The following NR4A2 variants were observed in gnomAD, a reference collection of about 807,000 sequenced individuals.
The protein encoded by NR4A2 is NGFI-B/nur77 beta-type transcription factor homolog.
A neutral mutation model predicts 50.5 loss-of-function variants in NR4A2; 1 was observed. The observed-to-expected ratio is 0.02, with a 90% CI of 0.01 to 0.09. The LOEUF is 0.09. Ranked by LOEUF, NR4A2 falls within the 10% of genes least tolerant of loss-of-function variation. The pLI, the probability that NR4A2 is intolerant of heterozygous loss-of-function variation, is 1.00. For missense variants in NR4A2, 613 were observed against 777.3 expected (o/e 0.79, Z 2.51); for synonymous variants, 328 against 309.4 (o/e 1.06, Z -0.63).
rs1397319285 is a variant in NR4A2 at position 156,325,907 on chromosome 2, C to A, written c.1634G>T (p.Gly545Val). 1 of 1,614,044 alleles carries A rather than the reference C, an allele frequency of 6.2e-7. No homozygotes were observed. Among genetic ancestry groups the A allele is most frequent in the Non-Finnish European group, 8.5e-7 (1 of 1,180,024 alleles). Reference protein sequence around the residue: ...LKDHVTFNNGGLNRPNYLSKL... With the variant: ...LKDHVTFNNGVLNRPNYLSKL... Reference sequence around the variant, plus strand: ...GGACAAATAATTGGGGCGGTTCAACCCCCCATTGTTGAAAGTCACGTGGTC... The same window carrying A: ...GGACAAATAATTGGGGCGGTTCAACACCCCATTGTTGAAAGTCACGTGGTC... The change falls in exon 8 of 8, where the codon GGG becomes GTG. Residue 545 changes from glycine (G) to valine (V), a missense_variant. Around this residue, in one of 4 missense-constraint regions of NR4A2, gnomAD observed 250 missense variants for 311.3 expected, o/e 0.80. Transcript: ENST00000339562.
rs1686990679 is a variant in NR4A2, at chr2:156,332,709, G to A, written c.-356C>T. ...TGGCCCTGGCCGCCAATGTGCCTTT[G>A]TTTATGTGGCTTGCGCTGCCGCTGC... On this transcript the variant is annotated 5_prime_UTR_variant, in exon 1 of 8. Coordinates refer to ENST00000339562, the MANE Select transcript of NR4A2 (RefSeq NM_006186.4). The A allele has an allele frequency of 2.8e-6, 1 of 360,182 alleles. No individual in the cohort carries two copies. Among genetic ancestry groups the A allele is most frequent in the African/African-American group, 2.1e-5 (1 of 46,714 alleles). 22.3% of individuals were successfully genotyped at this position (360,182 alleles called of 1,614,324 possible).
chr2:156,325,995 G>A lies in NR4A2; in HGVS notation c.1546C>T (p.His516Tyr). 1 of 1,614,148 alleles carries A rather than the reference G, an allele frequency of 6.2e-7. No individual in the cohort carries two copies. The highest frequency in any genetic ancestry group is 8.5e-7 in the Non-Finnish European group (1 of 1,180,030). The stretch of plus-strand genomic sequence containing the variant: ...ACTCTCTTGGGTTCCTTGAGCCCGT[G>A]TCTCTCTGCAGAAAACATAATCAGA... ...IAALAMVTERHGLKEPKRVEE... is the reference protein window; with the variant it reads ...IAALAMVTERYGLKEPKRVEE... The change falls in exon 8 of 8, where the codon CAC becomes TAC. Residue 516 changes from histidine to tyrosine, a missense_variant. Transcript: ENST00000339562.
At position 156,328,215 on chromosome 2, in the gene NR4A2, T is replaced by C. The variant is rs570222878; in HGVS notation, c.994+189A>G. 1.3e-5 allele frequency among the ~76,000 whole-genome samples: 2 copies of C among 152,206 alleles called. No homozygotes were observed. The highest frequency in any genetic ancestry group is 4.1e-4 in the South Asian group (2 of 4,824). The stretch of plus-strand genomic sequence containing the variant: ...TCTTCCTCCAAATGGGTCGTATAGT[T>C]AAAGGAGAGAAGGGCCTGGCGGCTT... On this transcript the variant is annotated intron_variant, in intron 4 of 7. Coordinates refer to ENST00000339562, the MANE Select transcript of NR4A2 (RefSeq NM_006186.4). The surrounding 1 kb of genome is among the most constrained non-coding windows in gnomAD (Gnocchi z 4.9).
Position 156,328,608 on chromosome 2 carries a change from TTA to T in NR4A2, c.865-77_865-76del. On this transcript the variant is annotated intron_variant, in intron 3 of 7. Coordinates refer to ENST00000339562, the MANE Select transcript of NR4A2 (RefSeq NM_006186.4). This position sits in a 1 kb window ranked among gnomAD's most constrained non-coding sequence, Gnocchi z 4.9. ...TCAGGCAACTCGGAGAAAATTTCTG[TTA>T]TGTGACTGGGGTCTACGATTCCTCC... 15 of 1,586,028 alleles carry T rather than the reference TTA, an allele frequency of 9.5e-6. No individual in the cohort carries two copies. The highest frequency in any genetic ancestry group is 1.9e-4 in the Middle Eastern group (1 of 5,140).
At chr2:156,330,638 A>G in intron 2 of NR4A2, 30 bp downstream of exon 2, 2 of 1,314,102 alleles carry the variant, frequency 1.5e-6, no homozygotes, top group Non-Finnish European at 1.9e-6. Context: ...AGCTCTGGAG[A>G]GTAAAGGAAA....
intron 5 of NR4A2, 67 bp downstream of exon 5, chr2:156,327,784 G>C: frequency 6.5e-7 from 1 of 1,532,660 alleles, no homozygotes; most frequent in Non-Finnish European, 8.8e-7. Context: ...GTTAATGACG[G>C]ATGTGGGGAG....
intron 5 of NR4A2, 79 bp downstream of exon 5, chr2:156,327,772 G>A (rs1217497842): frequency 2.6e-6 from 4 of 1,519,458 alleles, no homozygotes; most frequent in Admixed American, 3.9e-5. Flanking sequence ...TTGAATCTGA[G>A]AGTTAATGAC....
In NR4A2 at chr2:156,326,670, G is replaced by A; in HGVS notation, c.1361+48C>T. ...CTTCCTCCCTTTCTTTTCCTTTCTT[G>A]ATTTCTCTCACAGCCTCCCTGGATT... On this transcript the variant is annotated intron_variant, in intron 6 of 7. Transcript: ENST00000339562. This position sits in a 1 kb window ranked among gnomAD's most constrained non-coding sequence, Gnocchi z 4.2. 6.3e-7 allele frequency: 1 copy of A among 1,586,034 alleles called. No individual in the cohort carries two copies. Among genetic ancestry groups the A allele is most frequent in the Non-Finnish European group, 8.6e-7 (1 of 1,160,852 alleles).
rs772197214 is a variant in NR4A2, at chr2:156,329,519, G to A, written c.668C>T (p.Pro223Leu). ...VDGQTFAVPN[P>L]IRKPASMGFP... ...GCCCATGGACGCGGGCTTGCGAATG[G>A]GGTTGGGCACAGCGAAGGTCTGCCC... Residue 223 changes from proline to leucine, a missense_variant, in exon 3 of 8, where the codon CCC becomes CTC. Physicochemically the swap from Pro to Leu is moderately conservative, Grantham distance 98. Around this residue, in one of 4 missense-constraint regions of NR4A2, gnomAD observed 275 missense variants for 248.9 expected, o/e 1.10. Transcript: ENST00000339562. The surrounding 1 kb of genome is among the most constrained non-coding windows in gnomAD (Gnocchi z 7.5). The A allele has an allele frequency of 1.0e-5, 16 of 1,606,070 alleles. No homozygotes were observed. Among genetic ancestry groups the A allele is most frequent in the African/African-American group, 9.3e-5 (7 of 74,870 alleles).
chr2:156,329,424 C>G lies in NR4A2; in HGVS notation c.763G>C (p.Gly255Arg), dbSNP rs1184395120. Residue 255 changes from glycine to arginine, a missense_variant, in exon 3 of 8, where the codon GGC becomes CGC. By Grantham distance (125) the Gly-to-Arg change is moderately radical. This residue lies in a region of NR4A2 where 275 missense variants were observed against 248.9 expected (regional missense o/e 1.10). Coordinates refer to ENST00000339562, the MANE Select transcript of NR4A2 (RefSeq NM_006186.4). This position sits in a 1 kb window ranked among gnomAD's most constrained non-coding sequence, Gnocchi z 7.5. Reference protein sequence around the residue: ...DTQVPSPPSRGSPSNEGLCAV... With the variant: ...DTQVPSPPSRRSPSNEGLCAV... ...CACAGCCCCTCGTTGGAGGGGGAGC[C>G]CCGCGACGGCGGTGAGGGCACCTGC... 6.2e-7 allele frequency: 1 copy of G among 1,609,514 alleles called. No individual in the cohort carries two copies. Among genetic ancestry groups the G allele is most frequent in the South Asian group, 1.1e-5 (1 of 90,910 alleles).
At position 156,329,830 on chromosome 2, in the gene NR4A2, C is replaced by G; in HGVS notation, c.357G>C (p.Ser119=). Residue 119 remains serine, a synonymous_variant, in exon 3 of 8, where the codon TCG becomes TCC. Transcript: ENST00000339562. This position sits in a 1 kb window ranked among gnomAD's most constrained non-coding sequence, Gnocchi z 7.5. ...QSEEMMPHSG[S]VYYKPSSPPT... The stretch of plus-strand genomic sequence containing the variant: ...GGGGCGAGGAGGGCTTGTAGTAAAC[C>G]GACCCGGAGTGCGGCATCATCTCCT... 8 of 1,614,088 alleles carry G rather than the reference C, an allele frequency of 5.0e-6. No homozygotes were observed. Among genetic ancestry groups the G allele is most frequent in the Non-Finnish European group, 6.8e-6 (8 of 1,180,018 alleles).
At chr2:156,331,992 C>T (rs1036122041) in intron 1 of NR4A2, 5 of 163,606 alleles carry the variant, frequency 3.1e-5, no homozygotes, top group African/African-American at 1.2e-4. Context: ...ACCAACACCA[C>T]CCTTACTCAA....
At position 156,324,707 on chromosome 2, in the gene NR4A2, A is replaced by G. The variant is rs530773000; in HGVS notation, c.*1037T>C. The stretch of plus-strand genomic sequence containing the variant: ...CAGTTATTTCCAGGGAGTTATGTAT[A>G]TTATAAGCACTCTGGAAACAGTCAA... On this transcript the variant is annotated 3_prime_UTR_variant, in exon 8 of 8. Coordinates refer to ENST00000339562, the MANE Select transcript of NR4A2 (RefSeq NM_006186.4). 6.5e-6 allele frequency: 1 copy of G among 152,772 alleles called. No homozygotes were observed. The highest frequency in any genetic ancestry group is 2.1e-4 in the South Asian group (1 of 4,828). The allele number at this position is 152,772 out of a possible 1,614,324, so 9.5% of individuals were successfully genotyped here.
intron 1 of NR4A2, 30 bp downstream of exon 1, chr2:156,332,450 A>G (rs1686975268): frequency 7.8e-7 from 1 of 1,286,680 alleles, no homozygotes. Flanking sequence ...GCATAAAAGA[A>G]GGCGAACTGC....
At chr2:156,330,245 C>A in intron 2 of NR4A2, 57 bp from the exon 3 acceptor site, 1 of 1,597,676 alleles carries the variant, frequency 6.3e-7, no homozygotes, top group South Asian at 1.1e-5. Context: ...CACTTTCTCC[C>A]GGGCTCGGGT....
intron 1 of NR4A2, among the ~76,000 whole-genome samples, chr2:156,331,155 T>C (rs917092330): frequency 6.6e-6 from 1 of 152,202 alleles, no homozygotes; most frequent in Non-Finnish European, 1.5e-5. Flanking sequence ...GACTAGAGTA[T>C]GAAAATACAG....
Position 156,326,142 on chromosome 2 carries a change from G to A in NR4A2, c.1540+8C>T. On this transcript the variant is annotated splice_region_variant and intron_variant, in intron 7 of 7. Coordinates refer to ENST00000339562, the MANE Select transcript of NR4A2 (RefSeq NM_006186.4). The surrounding 1 kb of genome is among the most constrained non-coding windows in gnomAD (Gnocchi z 4.2). ...GGAGGGGAAGCGCCCTGCGCCTGCA[G>A]TACTGACCTGTGACCATAGCCAGGG... 1 of 1,614,178 alleles carries A rather than the reference G, an allele frequency of 6.2e-7. No individual in the cohort carries two copies.
At position 156,329,643 on chromosome 2, in the gene NR4A2, G is replaced by A. The variant is rs1452333563; in HGVS notation, c.544C>T (p.Pro182Ser). 3 of 1,613,812 alleles carry A rather than the reference G, an allele frequency of 1.9e-6. No individual in the cohort carries two copies. The highest frequency in any genetic ancestry group is 2.2e-5 in the East Asian group (1 of 44,880). Reference sequence around the variant, plus strand: ...CAACTAGACACCGGGGTGCCAGGGGGCGATTGCTTAAAGGAGAAGAGGGAG... The same window carrying A: ...CAACTAGACACCGGGGTGCCAGGGGACGATTGCTTAAAGGAGAAGAGGGAG... ...RLSLFSFKQS[P>S]PGTPVSSCQM... Residue 182 changes from proline to serine, a missense_variant, in exon 3 of 8, where the codon CCC (proline) becomes TCC (serine). By Grantham distance (74) the Pro-to-Ser change is moderately conservative. Around this residue, in one of 4 missense-constraint regions of NR4A2, gnomAD observed 275 missense variants for 248.9 expected, o/e 1.10. Transcript: ENST00000339562. This position sits in a 1 kb window ranked among gnomAD's most constrained non-coding sequence, Gnocchi z 7.5.
At position 156,326,988 on chromosome 2, in the gene NR4A2, C is replaced by T; in HGVS notation, c.1159-68G>A. On this transcript the variant is annotated intron_variant, in intron 5 of 7. Coordinates refer to ENST00000339562, the MANE Select transcript of NR4A2 (RefSeq NM_006186.4). The surrounding 1 kb of genome is among the most constrained non-coding windows in gnomAD (Gnocchi z 4.2). Reference sequence around the variant, plus strand: ...ATATATAACCCGTGAAATTGCTAACCCCGTTTCTAATAGGGGAGCCAGGTT... The same window carrying T: ...ATATATAACCCGTGAAATTGCTAACTCCGTTTCTAATAGGGGAGCCAGGTT... 5.3e-6 allele frequency: 8 copies of T among 1,498,294 alleles called. No individual in the cohort carries two copies. The highest frequency in any genetic ancestry group is 7.4e-6 in the Non-Finnish European group (8 of 1,080,682). 92.8% of individuals were successfully genotyped at this position (1,498,294 alleles called of 1,614,324 possible).
Sources: allele counts gnomAD v4.1 joint callset (sites outside exome capture counted in the v4.1 genomes callset), GRCh38; gene constraint gnomAD v4.1.1; regional missense constraint gnomAD v4.1.1; non-coding constraint Gnocchi (gnomAD v3.1); transcripts MANE v1.5; gene names NCBI Gene and HGNC (gene_info 2026-07-23, HGNC 2026-07-21).